The following DNAH14 variants were observed in gnomAD, a reference collection of about 807,000 sequenced individuals.
DNAH14 encodes the protein dynein axonemal heavy chain 14, also known as axonemal beta dynein heavy chain 14.
DNAH14 carries 478 observed loss-of-function variants against 520.9 expected under a neutral mutation model. That is an observed-to-expected ratio of 0.92 (90% CI 0.85 to 0.99). DNAH14 has a LOEUF of 0.99. Among genes scored for constraint, DNAH14 ranks in the 50% least tolerant of loss-of-function variants. The probability of loss-of-function intolerance (pLI) is 0.00; values close to 1 mark genes in which losing one functional copy is unlikely to be tolerated. For synonymous variants in DNAH14, 1,581 were observed against 1,757.2 expected (o/e 0.90, Z 2.51); for missense variants, 4,831 against 5,234.5 (o/e 0.92, Z 2.38).
At chr1:225,086,281 C>T (rs978032019) in intron 21 of DNAH14, among the ~76,000 whole-genome samples, 4 of 144,036 alleles carry the variant, frequency 2.8e-5, no homozygotes, top group African/African-American at 5.0e-5. Context: ...TACAGGTGCC[C>T]GCCACGACGC....
At chr1:224,948,904 T>A in intron 1 of DNAH14, among the ~76,000 whole-genome samples, 1 of 152,212 alleles carries the variant, frequency 6.6e-6, no homozygotes, top group East Asian at 1.9e-4. Context: ...ATCTCACTTT[T>A]AATCCCATAA....
intron 54 of DNAH14, among the ~76,000 whole-genome samples, chr1:225,279,511 T>C (rs1241982676): frequency 6.6e-6 from 1 of 152,180 alleles, no homozygotes; most frequent in Non-Finnish European, 1.5e-5. Context: ...AAAATAATGG[T>C]TATCTAGATT....
At chr1:225,104,563 G>T (rs1017532611) in intron 23 of DNAH14, among the ~76,000 whole-genome samples, 1 of 152,010 alleles carries the variant, frequency 6.6e-6, no homozygotes, top group African/African-American at 2.4e-5. Flanking sequence ...CAATTTCAGA[G>T]CCTGTTATTG....
intron 10 of DNAH14, among the ~76,000 whole-genome samples, chr1:225,008,273 C>T (rs768494969): frequency 6.6e-6 from 1 of 152,012 alleles, no homozygotes; most frequent in East Asian, 1.9e-4. Context: ...TTTATGGTTG[C>T]GTAGTATTCC....
chr1:225,142,426 A>T (rs1237684020), intron 28 of DNAH14, among the ~76,000 whole-genome samples: 1 of 152,228 alleles, frequency 6.6e-6, no homozygotes, highest in African/African-American at 2.4e-5. Flanking sequence ...AGCTCAAAAT[A>T]GTTCCGTTTT....
chr1:225,037,482 A>G (rs929277380), intron 11 of DNAH14, among the ~76,000 whole-genome samples: 6 of 152,224 alleles, frequency 3.9e-5, no homozygotes, highest in African/African-American at 1.4e-4. Context: ...TGTATAAACA[A>G]ACATACAAAC....
At position 225,144,458 on chromosome 1, in the gene DNAH14, A is replaced by G; in HGVS notation, c.4570A>G (p.Ser1524Gly). 1 of 1,551,688 alleles carries G rather than the reference A, an allele frequency of 6.4e-7. No individual in the cohort carries two copies. The highest frequency in any genetic ancestry group is 8.7e-7 in the Non-Finnish European group (1 of 1,146,968). The change falls in exon 29 of 86, where the codon AGC (serine) becomes GGC (glycine). Residue 1524 changes from serine to glycine, a missense_variant. Ser to Gly is a moderately conservative substitution (Grantham distance 56, BLOSUM62 0). Coordinates refer to ENST00000682510, the MANE Select transcript of DNAH14 (RefSeq NM_001367479.1). ...GTGCTATGTGTCTCAAGGAAATGCC[A>G]GCTTTACTTATGGCTATGAGTACTT... is the stretch of plus-strand genomic sequence containing the variant. ...KLCYVSQGNASFTYGYEYLGC... is the reference protein window; with the variant it reads ...KLCYVSQGNAGFTYGYEYLGC...
rs2081345743 is a variant in DNAH14 at position 225,159,587 on chromosome 1, T to C, written c.5445+102T>C. On this transcript the variant is annotated intron_variant, in intron 35 of 85. Transcript: ENST00000682510. ...ATATTACAGTTCTTCCTAAATTCTT[T>C]ATTCATGTTATAATTGAGGGGATAA... 1.2e-5 allele frequency: 15 copies of C among 1,220,106 alleles called. No individual in the cohort carries two copies. The South Asian group carries it at 1.9e-4, about 15-fold the overall frequency. 75.6% of individuals were successfully genotyped at this position (1,220,106 alleles called of 1,614,324 possible). A position where few individuals can be genotyped will look rare whatever the true frequency, so the allele number is the denominator to read the frequency against.
chr1:225,324,488 T>C, intron 63 of DNAH14, 135 bp downstream of exon 63: 4 of 1,222,112 alleles, frequency 3.3e-6, no homozygotes, highest in Non-Finnish European at 4.5e-6. Flanking sequence ...TAATCAAATG[T>C]TATTCTAACT....
chr1:225,323,664 T>C (rs542826953), intron 62 of DNAH14, among the ~76,000 whole-genome samples: 2 of 152,168 alleles, frequency 1.3e-5, no homozygotes, highest in South Asian at 2.1e-4. Flanking sequence ...GGTTTCACCA[T>C]GTTGGTCAGG....
chr1:224,939,626 G>A (rs983257266), intron 1 of DNAH14, among the ~76,000 whole-genome samples: 133 of 152,174 alleles, frequency 8.7e-4, no homozygotes, highest in Non-Finnish European at 4.0e-4. Context: ...GGAGCTTGCA[G>A]TGAGCCGAGA....
chr1:225,001,003 C>A (rs1043375928), intron 8 of DNAH14, among the ~76,000 whole-genome samples: 1 of 152,014 alleles, frequency 6.6e-6, no homozygotes, highest in African/African-American at 2.4e-5. Flanking sequence ...TCCCACTGAC[C>A]CTTTTTTCCC....
intron 27 of DNAH14, among the ~76,000 whole-genome samples, chr1:225,130,390 G>T (rs991971781): frequency 1.6e-4 from 25 of 151,936 alleles, no homozygotes; most frequent in Admixed American, 3.9e-4. Context: ...TGTGGCACTA[G>T]TCACAATAGC....
intron 57 of DNAH14, among the ~76,000 whole-genome samples, chr1:225,303,928 G>T (rs780489215): frequency 1.1e-4 from 16 of 152,126 alleles, no homozygotes; most frequent in Non-Finnish European, 1.9e-4. Context: ...TAGGTCCTAC[G>T]GGACCAATGG....
intron 64 of DNAH14, among the ~76,000 whole-genome samples, chr1:225,327,832 CAA>C: frequency 6.6e-6 from 1 of 150,802 alleles, no homozygotes; most frequent in Non-Finnish European, 1.5e-5. Context: ...CTAGGGGAAA[CAA>C]AAAGAGAGAG....
At chr1:224,996,313 C>G (rs2063389773) in intron 8 of DNAH14, among the ~76,000 whole-genome samples, 1 of 149,940 alleles carries the variant, frequency 6.7e-6, no homozygotes, top group Non-Finnish European at 1.5e-5. Flanking sequence ...GCCACCACAT[C>G]CACTGAATTA....
intron 36 of DNAH14, among the ~76,000 whole-genome samples, chr1:225,180,222 C>T (rs910425135): frequency 3.9e-5 from 6 of 152,166 alleles, no homozygotes; most frequent in Non-Finnish European, 8.8e-5. Context: ...TTCTCACTCT[C>T]TCTCGAAGCC....
At chr1:225,086,102 C>T (rs1358869120) in intron 21 of DNAH14, among the ~76,000 whole-genome samples, 6 of 151,276 alleles carry the variant, frequency 4.0e-5, no homozygotes, top group Non-Finnish European at 7.4e-5. Context: ...AGCAACCCCA[C>T]GTGTGGTAAT....
At chr1:225,051,924 G>T (rs572224921) in intron 17 of DNAH14, 129 bp downstream of exon 17, 118 of 643,670 alleles carry the variant, frequency 1.8e-4, no homozygotes, top group Non-Finnish European at 2.7e-4. Context: ...AAAAAATGAA[G>T]ATATACATAA....
Sources: gnomAD v4.1 joint callset for allele counts (sites outside exome capture counted in the v4.1 genomes callset) on GRCh38, gnomAD v4.1.1 for gene constraint, MANE v1.5 for transcripts, NCBI Gene and HGNC (gene_info 2026-07-23, HGNC 2026-07-21) for gene names.